SFT2D1: variants seen among roughly 807,000 people sequenced by gnomAD.
SFT2D1 encodes the protein vesicle transport protein SFT2A.
In SFT2D1, 24 loss-of-function variants were observed where a neutral mutation model predicts 28.1. The observed-to-expected ratio is 0.85, with a 90% CI of 0.62 to 1.20. The LOEUF (loss-of-function observed/expected upper bound fraction) is 1.20, where lower values mean the gene tolerates loss of function less well. Ranked by LOEUF, SFT2D1 falls within the 50% of genes most tolerant of loss-of-function variation. The probability of loss-of-function intolerance (pLI) is 0.00; values close to 1 mark genes in which losing one functional copy is unlikely to be tolerated. For synonymous variants in SFT2D1, 82 were observed against 73.7 expected (o/e 1.11, Z -0.58); for missense variants, 181 against 190.9 (o/e 0.95, Z 0.31).
At chr6:166,333,528 C>T (rs559664557) in intron 1 of SFT2D1, among the ~76,000 whole-genome samples, 94 of 152,318 alleles carry the variant, frequency 6.2e-4, no homozygotes, top group African/African-American at 2.1e-3. Flanking sequence ...ACTCCTCATC[C>T]GGCCCTTCTC....
intron 2 of SFT2D1, 139 bp downstream of exon 2, chr6:166,330,022 T>A: frequency 3.4e-6 from 2 of 581,432 alleles, no homozygotes; most frequent in Non-Finnish European, 5.8e-6. Context: ...TCTCTACCCC[T>A]TTATTTTAGT....
chr6:166,322,945 CA>C (rs1316030483), intron 6 of SFT2D1, 59 bp from the exon 7 acceptor site: 3 of 1,407,258 alleles, frequency 2.1e-6, no homozygotes, highest in Non-Finnish European at 2.0e-6. Context: ...TCCTTTATGC[CA>C]AAAGGCCATG....
At chr6:166,328,071 T>C (rs1036647256) in intron 4 of SFT2D1, among the ~76,000 whole-genome samples, 1 of 151,998 alleles carries the variant, frequency 6.6e-6, no homozygotes, top group African/African-American at 2.4e-5. Flanking sequence ...GTGCTGGGAT[T>C]ACAGACGTGA....
At chr6:166,336,798 G>A (rs895090058) in intron 1 of SFT2D1, among the ~76,000 whole-genome samples, 4 of 152,176 alleles carry the variant, frequency 2.6e-5, no homozygotes, top group South Asian at 2.1e-4. Flanking sequence ...TTGAACTCCT[G>A]GGCCCAAGCA....
At chr6:166,341,058 G>A (rs1778770468) in intron 1 of SFT2D1, among the ~76,000 whole-genome samples, 1 of 152,232 alleles carries the variant, frequency 6.6e-6, no homozygotes, top group African/African-American at 2.4e-5. Context: ...GTTTAATACA[G>A]TAGCCTTTAA....
At chr6:166,321,046 G>A (rs1029261482) in intron 7 of SFT2D1, among the ~76,000 whole-genome samples, 2 of 152,106 alleles carry the variant, frequency 1.3e-5, no homozygotes, top group Non-Finnish European at 2.9e-5. Context: ...GGGAGGTGGA[G>A]GTTGCAGTGA....
intron 4 of SFT2D1, among the ~76,000 whole-genome samples, chr6:166,327,726 G>A (rs148404665): frequency 4.6e-5 from 7 of 152,266 alleles, no homozygotes; most frequent in African/African-American, 1.7e-4. Flanking sequence ...CATATACGCA[G>A]CAGAAGCAGG....
chr6:166,337,843 C>T (rs1248116541), intron 1 of SFT2D1, among the ~76,000 whole-genome samples: 4 of 152,108 alleles, frequency 2.6e-5, no homozygotes, highest in African/African-American at 9.7e-5. Context: ...TGCTGAAATC[C>T]TCGACCCCAT....
rs148901697 is a variant in SFT2D1 at position 166,335,528 on chromosome 6, A to G, written c.64-5281T>C. ...CTACGGTGGTTCCAGTAGCAACAGT[A>G]GCCATGGCACTGGCAGAAGATTTTA... On this transcript the variant is annotated intron_variant, in intron 1 of 7. Transcript: ENST00000361731. 312 of 458,974 alleles carry G rather than the reference A, an allele frequency of 6.8e-4. 2 individuals carry two copies. The East Asian group carries it at 0.014, about 20-fold the overall frequency. The allele number at this position is 458,974 out of a possible 1,614,324, so 28.4% of individuals were successfully genotyped here.
intron 1 of SFT2D1, among the ~76,000 whole-genome samples, chr6:166,333,472 C>G (rs576728779): frequency 6.6e-6 from 1 of 152,358 alleles, no homozygotes; most frequent in South Asian, 2.1e-4. Flanking sequence ...CTTCTGGCAG[C>G]AGGCTGGTTC....
At chr6:166,330,677 C>T (rs1228201117) in intron 1 of SFT2D1, among the ~76,000 whole-genome samples, 4 of 152,230 alleles carry the variant, frequency 2.6e-5, no homozygotes, top group Middle Eastern at 3.2e-3. Flanking sequence ...CTCTGCAGGA[C>T]GAATTCCTCA....
chr6:166,336,684 C>T (rs559672624), intron 1 of SFT2D1, among the ~76,000 whole-genome samples: 2 of 152,272 alleles, frequency 1.3e-5, no homozygotes, highest in East Asian at 1.9e-4. Context: ...ATCCTCCCAC[C>T]GCAGCCTCCC....
chr6:166,320,613 G>A (rs113445030), intron 7 of SFT2D1, among the ~76,000 whole-genome samples: 224 of 151,394 alleles, frequency 1.5e-3, no homozygotes, highest in African/African-American at 5.3e-3. Context: ...GTGCAGTGGC[G>A]TGAGCAGATC....
At chr6:166,326,189 A>C in intron 4 of SFT2D1, 22 bp from the exon 5 acceptor site, 1 of 1,608,824 alleles carries the variant, frequency 6.2e-7, no homozygotes, top group Non-Finnish European at 8.5e-7. Flanking sequence ...GAAAGAGTAG[A>C]TTATAAGTTT....
intron 7 of SFT2D1, among the ~76,000 whole-genome samples, chr6:166,321,357 T>C (rs2114887315): frequency 6.6e-6 from 1 of 152,318 alleles, no homozygotes; most frequent in Admixed American, 6.5e-5. Flanking sequence ...CTGGAGAGGC[T>C]GGTCATGTTC....
intron 5 of SFT2D1, 122 bp downstream of exon 5, chr6:166,326,010 C>G (rs1252234238): frequency 8.2e-6 from 8 of 973,622 alleles, no homozygotes; most frequent in African/African-American, 3.3e-5. Flanking sequence ...TTTAGGAACA[C>G]CTAATCTTTA....
chr6:166,339,162 C>A (rs1379684345), intron 1 of SFT2D1, among the ~76,000 whole-genome samples: 1 of 152,070 alleles, frequency 6.6e-6, no homozygotes, highest in Non-Finnish European at 1.5e-5. Context: ...CTCCCTATGT[C>A]CTCACCCTCT....
chr6:166,332,181 T>A (rs905192399), intron 1 of SFT2D1, among the ~76,000 whole-genome samples: 1 of 152,232 alleles, frequency 6.6e-6, no homozygotes, highest in Non-Finnish European at 1.5e-5. Context: ...TGACTCCTAA[T>A]TGGGAAAACT....
chr6:166,341,789 A>G (rs896361922), intron 1 of SFT2D1, among the ~76,000 whole-genome samples: 1 of 151,982 alleles, frequency 6.6e-6, no homozygotes, highest in Non-Finnish European at 1.5e-5. Flanking sequence ...AACCCTTATC[A>G]AGTCTCGCTG....
Sources: gnomAD v4.1 joint callset for allele counts (sites outside exome capture counted in the v4.1 genomes callset) on GRCh38, gnomAD v4.1.1 for gene constraint, MANE v1.5 for transcripts, NCBI Gene and HGNC (gene_info 2026-07-23, HGNC 2026-07-21) for gene names.